SUN1: variants seen among roughly 807,000 people sequenced by gnomAD.
SUN1 encodes the protein Sad1 and UNC84 domain containing 1, also known as SUN domain-containing protein 1.
A neutral mutation model predicts 103.2 loss-of-function variants in SUN1; 61 were observed. That is an observed-to-expected ratio of 0.59 (90% confidence interval 0.48 to 0.73). The LOEUF (loss-of-function observed/expected upper bound fraction) is 0.73. Ranked by LOEUF, SUN1 falls within the 30% of genes least tolerant of loss-of-function variation. The pLI is 0.00. For synonymous variants in SUN1, 490 were observed against 425.7 expected (o/e 1.15, Z -1.86); for missense variants, 1,052 against 1,034.6 (o/e 1.02, Z -0.23).
At chr7:825,396 C>T (rs918013716) in intron 1 of SUN1, among the ~76,000 whole-genome samples, 1 of 152,144 alleles carries the variant, frequency 6.6e-6, no homozygotes, top group African/African-American at 2.4e-5. Context: ...AAAACCAATA[C>T]CTGCTCTTTA....
intron 1 of SUN1, chr7:832,843 C>T (rs1264212421): frequency 2.7e-5 from 13 of 474,358 alleles, no homozygotes; most frequent in East Asian, 2.7e-4. Flanking sequence ...TTGCTGGCTT[C>T]GACCCCACCC....
In SUN1 at chr7:860,500, T is replaced by C. The variant is rs1831339946; in HGVS notation, c.1779+118T>C. 9.3e-6 allele frequency: 14 copies of C among 1,504,736 alleles called. No homozygotes were observed. In the South Asian group the frequency reaches 1.8e-4, roughly 19 times the overall value. 93.2% of individuals were successfully genotyped at this position (1,504,736 alleles called of 1,614,324 possible). A position where few individuals can be genotyped will look rare whatever the true frequency, so the allele number is the denominator to read the frequency against. ...TTTTAAGAGTGGTCTGGCTGGGGTG[T>C]GCTTAGCTGACGTAAGTGAGATGAG... On this transcript the variant is annotated intron_variant, in intron 14 of 18. Transcript: ENST00000401592.
chr7:849,725 G>C, intron 5 of SUN1: 1 of 1,189,592 alleles, frequency 8.4e-7, no homozygotes, highest in Non-Finnish European at 1.2e-6. Context: ...CACTGATGAC[G>C]ACGGGCTGTT....
In SUN1 at chr7:866,130, G is replaced by A. The variant is rs944815279; in HGVS notation, c.1980+63G>A. 10 of 1,423,328 alleles carry A rather than the reference G, an allele frequency of 7.0e-6. No homozygotes were observed. In the African/African-American group the frequency reaches 1.3e-4, roughly 18 times the overall value. The allele number at this position is 1,423,328 out of a possible 1,614,324, so 88.2% of individuals were successfully genotyped here. ...GCATGGACTCGGTTAGTGTTCACGG[G>A]TCGTAGGTCCACAGCTCCATGGAAC... is the stretch of plus-strand genomic sequence containing the variant. On this transcript the variant is annotated intron_variant, in intron 16 of 18. Coordinates refer to ENST00000401592, the MANE Select transcript of SUN1 (RefSeq NM_001130965.3).
chr7:869,596 C>T (rs1839927000), intron 17 of SUN1, 80 bp downstream of exon 17: 38 of 1,514,220 alleles, frequency 2.5e-5, no homozygotes, highest in Middle Eastern at 4.8e-4. Flanking sequence ...CGTGAGCGCA[C>T]TGGGGACGGC....
intron 1 of SUN1, chr7:817,562 C>T (rs957070220): frequency 9.2e-6 from 14 of 1,525,110 alleles, no homozygotes; most frequent in Admixed American, 3.9e-5. Context: ...GCGTCTGGCT[C>T]TGATTCCGGG....
chr7:861,066 G>C (rs147632008), intron 14 of SUN1, among the ~76,000 whole-genome samples: 28 of 152,314 alleles, frequency 1.8e-4, no homozygotes, highest in African/African-American at 5.3e-4. Context: ...CTGTGTTCCA[G>C]GCTTGAATGC....
intron 9 of SUN1, 136 bp from the exon 10 acceptor site, chr7:853,273 T>C: frequency 1.0e-6 from 1 of 995,762 alleles, no homozygotes; most frequent in East Asian, 2.5e-5. Context: ...TACTCCGGGT[T>C]TCTGTGGATT....
At chr7:852,449 G>C (rs961439400) in intron 7 of SUN1, 160 bp from the exon 8 acceptor site, 21 of 777,410 alleles carry the variant, frequency 2.7e-5, no homozygotes, top group Non-Finnish European at 3.4e-5. Context: ...TTACATGAAG[G>C]TTCTCCTGAA....
intron 1 of SUN1, chr7:817,580 C>T: frequency 6.7e-7 from 1 of 1,495,616 alleles, no homozygotes; most frequent in Non-Finnish European, 9.0e-7. Context: ...GGGTGGGAAG[C>T]TGCCCATAAT....
intron 17 of SUN1, among the ~76,000 whole-genome samples, chr7:871,815 C>T (rs372214658): frequency 2.0e-5 from 3 of 152,338 alleles, no homozygotes; most frequent in African/African-American, 7.2e-5. Flanking sequence ...TGCAAATAGT[C>T]CCTTGTGTCT....
At chr7:832,955 A>T (rs1439781275) in intron 1 of SUN1, 1 of 205,838 alleles carries the variant, frequency 4.9e-6, no homozygotes, top group Admixed American at 5.6e-5. Context: ...ATAACCTGGA[A>T]AATTATTTCC....
In SUN1 at chr7:873,319, A is replaced by C; in HGVS notation, c.2346A>C (p.Glu782Asp). Residue 782 changes from glutamate (E) to aspartate (D), a missense_variant, in exon 19 of 19, where the codon GAA becomes GAC. Physicochemically the swap from Glu to Asp is conservative, Grantham distance 45 (BLOSUM62 2). Coordinates refer to ENST00000401592, the MANE Select transcript of SUN1 (RefSeq NM_001130965.3). ...TGTATCGGTTCAGAGTTCATGGCGA[A>C]CCTGTCAAGTGAAGACACTACTCAT... ...TCLYRFRVHG[E>D]PVK is the part of the protein sequence containing the mutation. 1.2e-6 allele frequency: 2 copies of C among 1,614,054 alleles called. No homozygotes were observed. Among genetic ancestry groups the C allele is most frequent in the Non-Finnish European group, 1.7e-6 (2 of 1,179,920 alleles).
At chr7:860,480 A>G in intron 14 of SUN1, 98 bp downstream of exon 14, 1 of 1,546,332 alleles carries the variant, frequency 6.5e-7, no homozygotes, top group East Asian at 2.3e-5. Context: ...TCTTGTTTTA[A>G]GAGTGGTCTG....
intron 15 of SUN1, among the ~76,000 whole-genome samples, chr7:864,012 C>T (rs922846396): frequency 1.2e-4 from 19 of 152,052 alleles, no homozygotes; most frequent in Admixed American, 6.5e-4. Flanking sequence ...TTTTTTTATC[C>T]GAAAATTTTA....
chr7:838,275 T>G (rs1463411842), intron 1 of SUN1, among the ~76,000 whole-genome samples: 2 of 152,220 alleles, frequency 1.3e-5, no homozygotes, highest in Non-Finnish European at 2.9e-5. Flanking sequence ...TGGAAGTGAC[T>G]GTCTTTTGGT....
chr7:858,064 T>G (rs1285504975), intron 13 of SUN1, 107 bp downstream of exon 13: 1 of 1,326,684 alleles, frequency 7.5e-7, no homozygotes, highest in African/African-American at 1.5e-5. Flanking sequence ...TATTTATTTA[T>G]TTTTGAAACC....
rs1421551080 is a variant in SUN1 at position 845,615 on chromosome 7, A to G, written c.658+2095A>G. Among the ~76,000 whole-genome samples, 6 of 152,022 alleles carry G rather than the reference A, an allele frequency of 3.9e-5. No homozygotes were observed. The South Asian group carries it at 6.2e-4, about 16-fold the overall frequency. The stretch of plus-strand genomic sequence containing the variant: ...GATTGCATGAATTGTTTGCATAATC[A>G]TATTTACTTAAAATAAGTATAGCTT... On this transcript the variant is annotated intron_variant, in intron 5 of 18. Transcript: ENST00000401592.
intron 2 of SUN1, among the ~76,000 whole-genome samples, chr7:841,244 A>ATT (rs370665607): frequency 0.023 from 2,773 of 120,056 alleles, 138 homozygotes; most frequent in East Asian, 0.13. Context: ...ATGACCACCT[A>ATT]TTTTTTTTTT....
Sources: allele counts gnomAD v4.1 joint callset (sites outside exome capture counted in the v4.1 genomes callset), GRCh38; gene constraint gnomAD v4.1.1; transcripts MANE v1.5; gene names NCBI Gene and HGNC (gene_info 2026-07-23, HGNC 2026-07-21).